Variants in SCGB2B2 observed in about 807,000 individuals in gnomAD.
SCGB2B2 encodes the protein secretoglobin family 2B member 2.
SCGB2B2 carries 11 observed loss-of-function variants against 7.6 expected under a neutral mutation model. The ratio of observed to expected loss-of-function variants is 1.45; its 90% CI spans 0.91 to 2.40. SCGB2B2 has a LOEUF of 2.40. Ranked by LOEUF, SCGB2B2 falls within the 30% of genes most tolerant of loss-of-function variation. The probability of loss-of-function intolerance (pLI) is 0.00; values close to 1 mark genes in which losing one functional copy is unlikely to be tolerated. For synonymous variants in SCGB2B2, 50 were observed against 48.6 expected (o/e 1.03, Z -0.12); for missense variants, 104 against 115.4 (o/e 0.90, Z 0.45).
intron 1 of SCGB2B2, among the ~76,000 whole-genome samples, chr19:34,647,561 G>A (rs1017662577): frequency 1.4e-5 from 2 of 142,818 alleles, no homozygotes; most frequent in African/African-American, 5.0e-5. Flanking sequence ...CTCAGGCCAC[G>A]TCTTCTCGCC....
chr19:34,593,689 G>C, intron 3 of SCGB2B2, 90 bp from the exon 4 acceptor site: 2 of 1,033,358 alleles, frequency 1.9e-6, no homozygotes, highest in Non-Finnish European at 2.9e-6. Context: ...GAGCTCAGAG[G>C]AGCTCCTTGA....
chr19:34,666,485 C>T (rs1476043153), intron 1 of SCGB2B2, among the ~76,000 whole-genome samples: 1 of 152,192 alleles, frequency 6.6e-6, no homozygotes, highest in Non-Finnish European at 1.5e-5. Flanking sequence ...GCCTGCAGTG[C>T]ACAGCCACCT....
At chr19:34,665,798 G>A (rs1238352048) in intron 1 of SCGB2B2, among the ~76,000 whole-genome samples, 1 of 152,022 alleles carries the variant, frequency 6.6e-6, no homozygotes, top group Non-Finnish European at 1.5e-5. Flanking sequence ...GCCCAGCCCT[G>A]GGAGGCCCAG....
chr19:34,670,651 T>C (rs2067778232), intron 1 of SCGB2B2, among the ~76,000 whole-genome samples: 1 of 152,244 alleles, frequency 6.6e-6, no homozygotes, highest in South Asian at 2.1e-4. Flanking sequence ...ATATGTGGTT[T>C]GCCAGTATAG....
At chr19:34,627,475 G>T (rs896939319) in intron 1 of SCGB2B2, among the ~76,000 whole-genome samples, 4 of 151,914 alleles carry the variant, frequency 2.6e-5, no homozygotes, top group Non-Finnish European at 5.9e-5. Flanking sequence ...TCCTAGTCTC[G>T]GATAAAACAG....
intron 1 of SCGB2B2, among the ~76,000 whole-genome samples, chr19:34,608,476 A>G (rs1259344265): frequency 1.3e-5 from 2 of 150,912 alleles, no homozygotes; most frequent in African/African-American, 2.4e-5. Flanking sequence ...CCTTGCCTCT[A>G]GTGACCATTA....
downstream of SCGB2B2, among the ~76,000 whole-genome samples, chr19:34,586,199 G>A (rs2065186943): frequency 6.6e-6 from 1 of 152,008 alleles, no homozygotes; most frequent in Non-Finnish European, 1.5e-5. Context: ...AATCTATTAA[G>A]TTGATTCTAA....
In SCGB2B2 at chr19:34,675,129, A is replaced by G. The variant is rs192743674; in HGVS notation, c.-2032+501T>C. 4.3e-3 allele frequency among the ~76,000 whole-genome samples: 656 copies of G among 152,366 alleles called. 4 individuals are homozygous for G. The highest frequency in any genetic ancestry group is 5.3e-3 in the Non-Finnish European group (363 of 68,042). ...TGAGTTACTATTTCACACCTAGTAG[A>G]TTATTAAACTTTTAAAGTTTCACAA... On this transcript the variant is annotated intron_variant, in intron 1 of 3. Coordinates refer to ENST00000601241, the MANE Select transcript of SCGB2B2 (RefSeq NM_001025591.4).
downstream of SCGB2B2, among the ~76,000 whole-genome samples, chr19:34,588,458 C>A (rs1048599844): frequency 6.6e-6 from 1 of 152,160 alleles, no homozygotes; most frequent in Non-Finnish European, 1.5e-5. Context: ...GCCAGGTGGG[C>A]GGGAGGCTTG....
At chr19:34,626,930 C>CA (rs1005828374) in intron 1 of SCGB2B2, among the ~76,000 whole-genome samples, 5 of 152,186 alleles carry the variant, frequency 3.3e-5, no homozygotes, top group African/African-American at 4.8e-5. Context: ...CTCTACATGC[C>CA]AAAAGAGAGT....
chr19:34,601,969 T>C (rs1015030380), intron 1 of SCGB2B2, among the ~76,000 whole-genome samples: 1 of 152,306 alleles, frequency 6.6e-6, no homozygotes, highest in South Asian at 2.1e-4. Context: ...TTCAGGCTTA[T>C]GAAAAGCTAC....
chr19:34,611,136 T>C (rs1053857195), intron 1 of SCGB2B2, among the ~76,000 whole-genome samples: 1 of 152,196 alleles, frequency 6.6e-6, no homozygotes, highest in Non-Finnish European at 1.5e-5. Context: ...TCTCTAATGA[T>C]ATTTTGTGTT....
chr19:34,596,868 C>T (rs1056037171), intron 1 of SCGB2B2, among the ~76,000 whole-genome samples: 5 of 151,910 alleles, frequency 3.3e-5, no homozygotes, highest in Admixed American at 2.6e-4. Context: ...CTCCCTCCAT[C>T]TTCCTTCCCT....
intron 1 of SCGB2B2, among the ~76,000 whole-genome samples, chr19:34,668,406 T>C (rs2146192225): frequency 6.6e-6 from 1 of 152,322 alleles, no homozygotes. Context: ...GCTCGGTACC[T>C]GCAGCCTGCC....
chr19:34,611,681 G>A lies in SCGB2B2; in HGVS notation c.-2031-15087C>T, dbSNP rs554340742. Among the ~76,000 whole-genome samples the A allele has an allele frequency of 8.8e-5, 13 of 147,728 alleles. No homozygotes were observed. The East Asian group carries it at 9.8e-4, about 11-fold the overall frequency. On this transcript the variant is annotated intron_variant, in intron 1 of 3. Transcript: ENST00000601241. Reference sequence around the variant, plus strand: ...TTTTTTTTTTTTGGGATGAAGTCTCGCAGTGTTGCCCAGGCTGGAGTGCAG... The same window carrying A: ...TTTTTTTTTTTTGGGATGAAGTCTCACAGTGTTGCCCAGGCTGGAGTGCAG...
At chr19:34,644,888 C>T (rs1266323048) in intron 1 of SCGB2B2, among the ~76,000 whole-genome samples, 1 of 152,150 alleles carries the variant, frequency 6.6e-6, no homozygotes, top group African/African-American at 2.4e-5. Flanking sequence ...TAACTGAGTG[C>T]CCACTTTGCA....
chr19:34,606,582 C>CA (rs2145813400), intron 1 of SCGB2B2, among the ~76,000 whole-genome samples: 1 of 150,504 alleles, frequency 6.6e-6, no homozygotes, highest in Non-Finnish European at 1.5e-5. Context: ...TCAAGTACAA[C>CA]AGCTTCTCCC....
At chr19:34,603,647 C>T (rs2065692499) in intron 1 of SCGB2B2, among the ~76,000 whole-genome samples, 1 of 152,122 alleles carries the variant, frequency 6.6e-6, no homozygotes, top group African/African-American at 2.4e-5. Context: ...CCTAGGCCTG[C>T]TGTTCACAGT....
At chr19:34,629,940 A>G (rs1191732083) in intron 1 of SCGB2B2, among the ~76,000 whole-genome samples, 1 of 151,920 alleles carries the variant, frequency 6.6e-6, no homozygotes, top group East Asian at 1.9e-4. Flanking sequence ...ACATAACAGA[A>G]CCCTCAGAAA....
Sources: allele counts gnomAD v4.1 joint callset (sites outside exome capture counted in the v4.1 genomes callset), GRCh38; gene constraint gnomAD v4.1.1; transcripts MANE v1.5; gene names NCBI Gene and HGNC (gene_info 2026-07-23, HGNC 2026-07-21).